The following PLEKHA5 variants were observed in gnomAD, a reference collection of about 807,000 sequenced individuals.
The protein encoded by PLEKHA5 is pleckstrin homology domain containing A5, also known as pleckstrin homology domain-containing family A member 5.
A neutral mutation model predicts 181.9 loss-of-function variants in PLEKHA5; 55 were observed. That is an observed-to-expected ratio of 0.30 (90% CI 0.24 to 0.38). The LOEUF is 0.38. Among genes scored for constraint, PLEKHA5 ranks in the 10% least tolerant of loss-of-function variants. The pLI, the probability that PLEKHA5 is intolerant of heterozygous loss-of-function variation, is 1.00. For synonymous variants in PLEKHA5, 535 were observed against 529.4 expected, an observed-to-expected ratio of 1.01 and a Z score of -0.15; for missense variants, 1,432 against 1,549.5, an observed-to-expected ratio of 0.92 and a Z score of 1.27.
chr12:19,239,283 GA>G (rs2062006957), intron 3 of PLEKHA5, among the ~76,000 whole-genome samples: 1 of 152,112 alleles, frequency 6.6e-6, no homozygotes. Flanking sequence ...TACTCTGCTG[GA>G]AGGAAATGTG....
chr12:19,254,066 T>C (rs1487249215), intron 4 of PLEKHA5, 43 bp downstream of exon 4: 2 of 1,180,798 alleles, frequency 1.7e-6, no homozygotes, highest in Non-Finnish European at 2.5e-6. Context: ...CAAAATTGGG[T>C]TAGCATTGAA....
intron 20 of PLEKHA5, among the ~76,000 whole-genome samples, chr12:19,327,107 G>A (rs2092240073): frequency 3.3e-5 from 5 of 152,152 alleles, no homozygotes; most frequent in Admixed American, 2.0e-4. Flanking sequence ...CAATGCAATT[G>A]CTTGGTCAAA....
chr12:19,223,361 A>G (rs2152318244), intron 3 of PLEKHA5, among the ~76,000 whole-genome samples: 1 of 152,294 alleles, frequency 6.6e-6, no homozygotes, highest in South Asian at 2.1e-4. Context: ...TTTAAAAAGT[A>G]TTAGAGTAAA....
At chr12:19,292,223 T>C (rs1488886375) in intron 15 of PLEKHA5, among the ~76,000 whole-genome samples, 1 of 151,860 alleles carries the variant, frequency 6.6e-6, no homozygotes, top group Middle Eastern at 3.2e-3. Flanking sequence ...CTGGCCAACA[T>C]GGAGAAACCC....
At chr12:19,367,327 C>T (rs2095456043) in intron 30 of PLEKHA5, among the ~76,000 whole-genome samples, 1 of 136,238 alleles carries the variant, frequency 7.3e-6, no homozygotes, top group East Asian at 2.2e-4. Context: ...GTGATCTCAG[C>T]TCACTGCAAT....
intron 3 of PLEKHA5, among the ~76,000 whole-genome samples, chr12:19,242,047 A>G (rs2062720794): frequency 6.6e-6 from 1 of 152,170 alleles, no homozygotes; most frequent in Non-Finnish European, 1.5e-5. Flanking sequence ...AGAATTATCT[A>G]AATTATGTTA....
At chr12:19,359,702 G>A (rs1481001066) in intron 28 of PLEKHA5, among the ~76,000 whole-genome samples, 156 bp downstream of exon 28, 2 of 152,044 alleles carry the variant, frequency 1.3e-5, no homozygotes, top group Non-Finnish European at 2.9e-5. Context: ...GGTGGCTCAC[G>A]TCTGTAATCC....
intron 22 of PLEKHA5, among the ~76,000 whole-genome samples, chr12:19,345,106 GAAAT>G (rs1368314606): frequency 6.8e-6 from 1 of 147,606 alleles, no homozygotes; most frequent in Admixed American, 6.8e-5. Context: ...AAACAATAAA[GAAAT>G]AAAAATAAGC....
At chr12:19,360,528 C>T (rs185585374) in intron 28 of PLEKHA5, among the ~76,000 whole-genome samples, 21 of 151,162 alleles carry the variant, frequency 1.4e-4, no homozygotes, top group African/African-American at 4.4e-4. Context: ...CGCTTGAACC[C>T]GGGAGTCAGA....
chr12:19,285,187 C>T (rs997093037), intron 12 of PLEKHA5, among the ~76,000 whole-genome samples: 2 of 152,110 alleles, frequency 1.3e-5, no homozygotes, highest in South Asian at 4.1e-4. Context: ...TTTCCAAAGA[C>T]TAAATCATGA....
intron 20 of PLEKHA5, among the ~76,000 whole-genome samples, chr12:19,327,651 T>C (rs576489838): frequency 4.1e-4 from 62 of 150,174 alleles, no homozygotes; most frequent in Admixed American, 2.1e-3. Context: ...TTTCTTTTTT[T>C]TTTTTTTTTC....
chr12:19,270,704 C>T (rs952925884), intron 10 of PLEKHA5, among the ~76,000 whole-genome samples: 1 of 152,002 alleles, frequency 6.6e-6, no homozygotes, highest in African/African-American at 2.4e-5. Context: ...TCCTGTAATT[C>T]GAAGAAAAAA....
chr12:19,240,448 T>G (rs1452880271), intron 3 of PLEKHA5, among the ~76,000 whole-genome samples: 3 of 150,604 alleles, frequency 2.0e-5, no homozygotes, highest in African/African-American at 7.3e-5. Flanking sequence ...GAGTTTTTTT[T>G]TTTTTTTTTT....
At chr12:19,161,086 A>C (rs533406705) in intron 3 of PLEKHA5, among the ~76,000 whole-genome samples, 78 of 152,334 alleles carry the variant, frequency 5.1e-4, no homozygotes, top group African/African-American at 1.8e-3. Context: ...TTAGAAGTTC[A>C]TGTCCCTTCT....
At chr12:19,157,993 G>C (rs2042146963) in intron 3 of PLEKHA5, among the ~76,000 whole-genome samples, 1 of 152,048 alleles carries the variant, frequency 6.6e-6, no homozygotes, top group African/African-American at 2.4e-5. Context: ...CTCTACTCAT[G>C]TCAACTAATA....
At chr12:19,365,271 G>A (rs547896635) in intron 29 of PLEKHA5, among the ~76,000 whole-genome samples, 1 of 151,802 alleles carries the variant, frequency 6.6e-6, no homozygotes, top group African/African-American at 2.4e-5. Context: ...GGAGGCTGAG[G>A]CAGGAGAATG....
At chr12:19,273,858 T>C (rs892129642) in intron 10 of PLEKHA5, among the ~76,000 whole-genome samples, 1 of 152,160 alleles carries the variant, frequency 6.6e-6, no homozygotes, top group Non-Finnish European at 1.5e-5. Flanking sequence ...AAGAACCCTC[T>C]GATCTTGGTG....
At chr12:19,226,924 A>G (rs2059772491) in intron 3 of PLEKHA5, among the ~76,000 whole-genome samples, 1 of 149,746 alleles carries the variant, frequency 6.7e-6, no homozygotes, top group African/African-American at 2.4e-5. Flanking sequence ...TTAGAATTGG[A>G]GAATCTTTCT....
intron 3 of PLEKHA5, among the ~76,000 whole-genome samples, chr12:19,228,832 A>G (rs991441138): frequency 2.0e-5 from 3 of 152,232 alleles, no homozygotes; most frequent in Admixed American, 6.5e-5. Flanking sequence ...TGGAAAAAGC[A>G]TTACACTCTA....
Sources: gnomAD v4.1 joint callset for allele counts (sites outside exome capture counted in the v4.1 genomes callset) on GRCh38, gnomAD v4.1.1 for gene constraint, MANE v1.5 for transcripts, NCBI Gene and HGNC (gene_info 2026-07-23, HGNC 2026-07-21) for gene names.